C6: variants seen among roughly 807,000 people sequenced by gnomAD.
C6 encodes the protein complement component C6.
In C6, 101 loss-of-function variants were observed where a neutral mutation model predicts 112.9. The observed-to-expected ratio is 0.89, with a 90% CI of 0.76 to 1.06. C6 has a LOEUF of 1.06. C6 is among the 50% of genes least tolerant of loss of function. The probability of loss-of-function intolerance (pLI) is 0.00; values close to 1 mark genes in which losing one functional copy is unlikely to be tolerated. For missense variants in C6, 1,202 were observed against 1,104.6 expected (o/e 1.09, Z -1.25); for synonymous variants, 431 against 384.1 (o/e 1.12, Z -1.43).
intron 5 of C6, among the ~76,000 whole-genome samples, chr5:41,194,055 A>G (rs1005459134): frequency 6.6e-6 from 1 of 152,254 alleles, no homozygotes; most frequent in East Asian, 1.9e-4. Flanking sequence ...GGTCCTCCCC[A>G]TCTGTAACTC....
chr5:41,162,417 G>T (rs1352685444), intron 9 of C6, among the ~76,000 whole-genome samples: 1 of 152,160 alleles, frequency 6.6e-6, no homozygotes, highest in Non-Finnish European at 1.5e-5. Context: ...TATATTTAAA[G>T]ACAGAGGTGA....
At chr5:41,227,346 G>A (rs1739583605) in intron 1 of C6, among the ~76,000 whole-genome samples, 2 of 151,354 alleles carry the variant, frequency 1.3e-5, no homozygotes, top group South Asian at 4.2e-4. Flanking sequence ...AATACATTTT[G>A]CATATAAACT....
At chr5:41,222,171 A>T (rs533694575) in intron 1 of C6, among the ~76,000 whole-genome samples, 3 of 151,564 alleles carry the variant, frequency 2.0e-5, no homozygotes, top group African/African-American at 7.3e-5. Context: ...ATCTCAAAAA[A>T]AAAAAACAAA....
Position 41,161,812 on chromosome 5 carries a change from C to A in C6, c.1339G>T (p.Gly447Ter). 6.2e-7 allele frequency: 1 copy of A among 1,613,670 alleles called. No homozygotes were observed. Among genetic ancestry groups the A allele is most frequent in the Non-Finnish European group, 8.5e-7 (1 of 1,179,672 alleles). Residue 447 changes from glycine (G) to a stop codon, truncating the protein, a stop_gained, in exon 10 of 18, where the codon GGA (glycine) becomes TGA (stop). Coordinates refer to ENST00000337836, the MANE Select transcript of C6 (RefSeq NM_000065.5). LOFTEE classifies it high-confidence loss of function. Reference sequence around the variant, plus strand: ...AAAGCTGCTCCATATTCACTCCTTCCACCTCGAATCAGGGATATGGATTTC... The same window carrying A: ...AAAGCTGCTCCATATTCACTCCTTCAACCTCGAATCAGGGATATGGATTTC... ...AEKSISLIRG[G>*]RSEYGAALAW...
chr5:41,226,289 G>A (rs148325262), intron 1 of C6, among the ~76,000 whole-genome samples: 141 of 152,164 alleles, frequency 9.3e-4, no homozygotes, highest in Admixed American at 2.2e-3. Context: ...AAAAGTGGGC[G>A]AAGGATATGA....
chr5:41,235,078 T>TG (rs886957950), intron 1 of C6, among the ~76,000 whole-genome samples: 4 of 19,416 alleles, frequency 2.1e-4, no homozygotes, highest in African/African-American at 4.8e-4. Flanking sequence ...TTTTTTAATG[T>TG]TTTTTTTTTT....
rs1229917090 is a variant in C6, at chr5:41,176,698, C to A, written c.945G>T (p.Arg315Ser). 1.2e-6 allele frequency: 2 copies of A among 1,610,878 alleles called. No homozygotes were observed. Among genetic ancestry groups the A allele is most frequent in the Non-Finnish European group, 8.5e-7 (1 of 1,177,992 alleles). Reference sequence around the variant, plus strand: ...TTAAGACTTTCATCACTTTATGGATCCTAATAAAACTAGAATCCTAAATGG... The same window carrying A: ...TTAAGACTTTCATCACTTTATGGATACTAATAAAACTAGAATCCTAAATGG... ...ASHKKDSSFIRIHKVMKVLNF... is the reference protein window; with the variant it reads ...ASHKKDSSFISIHKVMKVLNF... Residue 315 changes from arginine to serine, a missense_variant, in exon 8 of 18, where the codon AGG becomes AGT. Coordinates refer to ENST00000337836, the MANE Select transcript of C6 (RefSeq NM_000065.5).
chr5:41,224,666 G>A (rs1020015094), intron 1 of C6, among the ~76,000 whole-genome samples: 1 of 151,808 alleles, frequency 6.6e-6, no homozygotes, highest in Admixed American at 6.6e-5. Context: ...GGTCATTTGT[G>A]TTATTTCCTC....
chr5:41,204,666 TTTTC>T lies in C6; in HGVS notation c.-20-1420_-20-1417del, dbSNP rs1366004265. ...TGTTAATAAATCAGTAAGCTTTTTTTTTTCTTTTTTTTTTTTTTTTTGAGATGGA... is the reference window on the plus strand; with the variant it reads ...TGTTAATAAATCAGTAAGCTTTTTTTTTTTTTTTTTTTTTTTTGAGATGGA... On this transcript the variant is annotated intron_variant, in intron 1 of 17. Transcript: ENST00000337836. Among the ~76,000 whole-genome samples the T allele has an allele frequency of 2.2e-3, 322 of 147,022 alleles. 1 individual carries two copies. The highest frequency in any genetic ancestry group is 7.9e-3 in the African/African-American group (302 of 38,092).
At chr5:41,181,736 G>C (rs1749368785) in intron 6 of C6, among the ~76,000 whole-genome samples, 177 bp from the exon 7 acceptor site, 1 of 152,144 alleles carries the variant, frequency 6.6e-6, no homozygotes, top group South Asian at 2.1e-4. Context: ...TAATAGTTTA[G>C]TTAGAGAGAA....
At position 41,205,680 on chromosome 5, in the gene C6, C is replaced by T. The variant is rs7714388; in HGVS notation, c.-20-2430G>A. Among the ~76,000 whole-genome samples the T allele has an allele frequency of 3.7e-3, 565 of 152,288 alleles. 4 individuals carry two copies. The highest frequency in any genetic ancestry group is 0.013 in the African/African-American group (539 of 41,566). On this transcript the variant is annotated intron_variant, in intron 1 of 17. Coordinates refer to ENST00000337836, the MANE Select transcript of C6 (RefSeq NM_000065.5). ...CACAGGGAGGCTGGCGGAGGGGTGC[C>T]CGCCTTTGCTGAGGCTTGAGTAGGT... is the stretch of plus-strand genomic sequence containing the variant.
chr5:41,170,496 CTG>C (rs1253382142), intron 9 of C6, among the ~76,000 whole-genome samples: 9 of 151,860 alleles, frequency 5.9e-5, no homozygotes, highest in Non-Finnish European at 1.3e-4. Flanking sequence ...ACATGATAAA[CTG>C]ATATAGAATC....
At chr5:41,163,958 G>A (rs1450695405) in intron 9 of C6, among the ~76,000 whole-genome samples, 1 of 152,072 alleles carries the variant, frequency 6.6e-6, no homozygotes, top group African/African-American at 2.4e-5. Flanking sequence ...TCAATAATTT[G>A]TTGAGAATCT....
In C6 at chr5:41,184,274, T is replaced by G. The variant is rs113712439; in HGVS notation, c.726+1796A>C. 7.9e-3 allele frequency among the ~76,000 whole-genome samples: 1,209 copies of G among 152,226 alleles called. 17 individuals carry two copies. Among genetic ancestry groups the G allele is most frequent in the African/African-American group, 0.027 (1,134 of 41,526 alleles). Reference sequence around the variant, plus strand: ...AAGGGGGATACATTTTAACTGATAGTTTATGAAGGTGCTCAGACTTTTAAC... The same window carrying G: ...AAGGGGGATACATTTTAACTGATAGGTTATGAAGGTGCTCAGACTTTTAAC... On this transcript the variant is annotated intron_variant, in intron 6 of 17. Transcript: ENST00000337836.
chr5:41,243,427 A>C (rs1298197154), intron 1 of C6, among the ~76,000 whole-genome samples: 1 of 152,216 alleles, frequency 6.6e-6, no homozygotes, highest in African/African-American at 2.4e-5. Flanking sequence ...TATGTTAAAA[A>C]ATTTTTATTC....
At chr5:41,208,308 G>C (rs1751603344) in intron 1 of C6, among the ~76,000 whole-genome samples, 1 of 152,132 alleles carries the variant, frequency 6.6e-6, no homozygotes, top group South Asian at 2.1e-4. Flanking sequence ...ACAATTAAAA[G>C]ACCTAGAGAA....
At chr5:41,166,107 TTTCTCTTA>T (rs1293569379) in intron 9 of C6, among the ~76,000 whole-genome samples, 2 of 152,126 alleles carry the variant, frequency 1.3e-5, no homozygotes, top group Non-Finnish European at 2.9e-5. Flanking sequence ...AAGCTGAGAA[TTTCTCTTA>T]AACACTGTTA....
At chr5:41,191,885 G>A (rs1750244650) in intron 5 of C6, among the ~76,000 whole-genome samples, 1 of 150,566 alleles carries the variant, frequency 6.6e-6, no homozygotes, top group African/African-American at 2.4e-5. Flanking sequence ...TTTCCAGTTT[G>A]GATCCATTTA....
At chr5:41,196,048 C>T (rs894102163) in intron 4 of C6, 115 bp from the exon 5 acceptor site, 1 of 1,234,398 alleles carries the variant, frequency 8.1e-7, no homozygotes, top group Non-Finnish European at 1.2e-6. Context: ...CAAGTCTTCA[C>T]TGTTTTTGAT....
Sources: allele counts gnomAD v4.1 joint callset (sites outside exome capture counted in the v4.1 genomes callset), GRCh38; gene constraint gnomAD v4.1.1; transcripts MANE v1.5; gene names NCBI Gene and HGNC (gene_info 2026-07-23, HGNC 2026-07-21).